The following TXLNB variants were observed in gnomAD, a reference collection of about 807,000 sequenced individuals.
TXLNB encodes the protein beta-taxilin.
A neutral mutation model predicts 57.4 loss-of-function variants in TXLNB; 37 were observed. The ratio of observed to expected loss-of-function variants is 0.64; its 90% CI spans 0.50 to 0.85. The LOEUF (loss-of-function observed/expected upper bound fraction) is 0.85. Ranked by LOEUF, TXLNB falls within the 40% of genes least tolerant of loss-of-function variation. The pLI, the probability that TXLNB is intolerant of heterozygous loss-of-function variation, is 0.00. For synonymous variants in TXLNB, 302 were observed against 309.6 expected (o/e 0.98, Z 0.26); for missense variants, 848 against 825.6 (o/e 1.03, Z -0.33).
the TXLNB span, among the ~76,000 whole-genome samples, chr6:139,165,847 ATGT>A: frequency 6.6e-6 from 1 of 152,058 alleles, no homozygotes; most frequent in Non-Finnish European, 1.5e-5. Context: ...GAGTACAACT[ATGT>A]TGTTCCCACT....
chr6:139,269,585 T>C (rs944972898), intron 4 of TXLNB, among the ~76,000 whole-genome samples: 1 of 152,232 alleles, frequency 6.6e-6, no homozygotes, highest in Non-Finnish European at 1.5e-5. Flanking sequence ...TTCTCTTCTA[T>C]TTTTCTTCCT....
chr6:139,305,055 C>A, the TXLNB span, among the ~76,000 whole-genome samples: 1 of 152,138 alleles, frequency 6.6e-6, no homozygotes, highest in Non-Finnish European at 1.5e-5. Flanking sequence ...TGAAATATAA[C>A]TAAATAGCAA....
At chr6:139,235,030 T>C in the TXLNB span, among the ~76,000 whole-genome samples, 1 of 152,248 alleles carries the variant, frequency 6.6e-6, no homozygotes, top group Admixed American at 6.5e-5. Context: ...TAAGGTTTAA[T>C]GACTACCTAG....
At chr6:139,212,917 A>T in the TXLNB span, among the ~76,000 whole-genome samples, 1 of 152,218 alleles carries the variant, frequency 6.6e-6, no homozygotes, top group African/African-American at 2.4e-5. Flanking sequence ...TCGATTCAAC[A>T]AGAAGAACTA....
intron 5 of TXLNB, among the ~76,000 whole-genome samples, chr6:139,262,257 G>A (rs187332550): frequency 1.5e-3 from 227 of 152,264 alleles, no homozygotes; most frequent in African/African-American, 5.0e-3. Flanking sequence ...GAGGGAGTGC[G>A]TGAGTTATTT....
chr6:139,206,561 G>T, the TXLNB span, among the ~76,000 whole-genome samples: 1 of 152,048 alleles, frequency 6.6e-6, no homozygotes, highest in East Asian at 1.9e-4. Context: ...CCAGCTACTT[G>T]GGAGGCTGAG....
the TXLNB span, among the ~76,000 whole-genome samples, chr6:139,202,178 C>T: frequency 3.3e-5 from 5 of 152,104 alleles, no homozygotes; most frequent in African/African-American, 7.2e-5. Flanking sequence ...TCCATGTATA[C>T]GTGGTTGTAC....
At chr6:139,186,032 AC>A in the TXLNB span, among the ~76,000 whole-genome samples, 1 of 152,220 alleles carries the variant, frequency 6.6e-6, no homozygotes, top group African/African-American at 2.4e-5. Context: ...AAGAAGATCA[AC>A]AAGTTGACCC....
At chr6:139,205,845 C>G in the TXLNB span, among the ~76,000 whole-genome samples, 2 of 152,102 alleles carry the variant, frequency 1.3e-5, no homozygotes, top group Admixed American at 6.5e-5. Context: ...AAGTCATCAC[C>G]AGAAGACCAT....
At chr6:139,198,235 G>T in the TXLNB span, among the ~76,000 whole-genome samples, 1 of 151,058 alleles carries the variant, frequency 6.6e-6, no homozygotes, top group Non-Finnish European at 1.5e-5. Context: ...ATTTTGTTCT[G>T]GGAAGCAACA....
chr6:139,244,503 C>G, intron 9 of TXLNB, 92 bp downstream of exon 9: 1 of 883,926 alleles, frequency 1.1e-6, no homozygotes, highest in South Asian at 1.5e-5. Context: ...CACACATAAC[C>G]ATTTGTACTA....
At chr6:139,176,982 C>T in the TXLNB span, 22 of 872,576 alleles carry the variant, frequency 2.5e-5, 1 homozygote, top group Middle Eastern at 4.3e-4. The surrounding 1 kb of genome is among the most constrained non-coding windows in gnomAD (Gnocchi z 4.5). Flanking sequence ...CGGTGATCGA[C>T]GTGAGGATCG....
At chr6:139,279,909 G>A (rs1239412352) in intron 2 of TXLNB, among the ~76,000 whole-genome samples, 1 of 152,230 alleles carries the variant, frequency 6.6e-6, no homozygotes, top group Non-Finnish European at 1.5e-5. Flanking sequence ...AGCAGACACA[G>A]CGCTGTTGCA....
At chr6:139,311,323 TTC>T in the TXLNB span, among the ~76,000 whole-genome samples, 1 of 114,528 alleles carries the variant, frequency 8.7e-6, no homozygotes, top group African/African-American at 3.6e-5. Context: ...AGCCATATCT[TTC>T]TTTTCTTTTG....
the TXLNB span, among the ~76,000 whole-genome samples, chr6:139,308,387 C>T: frequency 0.56 from 84,996 of 152,098 alleles, 26,468 homozygotes; most frequent in African/African-American, 0.86. Context: ...GCCCAGACGC[C>T]GTCTGAAAAC....
rs1319047436 is a variant in TXLNB, at chr6:139,241,511, T to G, written c.*1015A>C. On this transcript the variant is annotated 3_prime_UTR_variant, in exon 10 of 10. Coordinates refer to ENST00000358430, the MANE Select transcript of TXLNB (RefSeq NM_153235.4). The stretch of plus-strand genomic sequence containing the variant: ...AGCACAGCCCCTTCTTAGTGTGAGG[T>G]CCCTTAACCCCTCAATCCCTAGCTC... 6.6e-6 allele frequency: 1 copy of G among 152,110 alleles called. No homozygotes were observed. Among genetic ancestry groups the G allele is most frequent in the Non-Finnish European group, 1.5e-5 (1 of 68,010 alleles). 9.4% of individuals were successfully genotyped at this position (152,110 alleles called of 1,614,324 possible).
intron 5 of TXLNB, 151 bp from the exon 6 acceptor site, chr6:139,260,588 A>T: frequency 1.8e-5 from 15 of 856,602 alleles, no homozygotes; most frequent in Non-Finnish European, 2.4e-5. Context: ...ACAGCTTTAT[A>T]ATAAAGCTGT....
In TXLNB at chr6:139,254,452, G is replaced by A. The variant is rs559833595; in HGVS notation, c.1077+1112C>T. ...CCTTGCCTTCGGTGAATTTCTCCCT[G>A]TGACCTCACAGTCCCTTTAGCACTT... On this transcript the variant is annotated intron_variant, in intron 7 of 9. Coordinates refer to ENST00000358430, the MANE Select transcript of TXLNB (RefSeq NM_153235.4). Among the ~76,000 whole-genome samples the A allele has an allele frequency of 3.3e-5, 5 of 152,220 alleles. No homozygotes were observed. The South Asian group carries it at 1.0e-3, about 32-fold the overall frequency.
chr6:139,164,180 C>CGGAAAA, the TXLNB span, among the ~76,000 whole-genome samples: 1 of 152,126 alleles, frequency 6.6e-6, no homozygotes, highest in African/African-American at 2.4e-5. Flanking sequence ...GGCCTCCTTA[C>CGGAAAA]TTCCAGTCCC....
Sources: gnomAD v4.1 joint callset for allele counts (sites outside exome capture counted in the v4.1 genomes callset) on GRCh38, gnomAD v4.1.1 for gene constraint, Gnocchi (gnomAD v3.1) non-coding constraint, MANE v1.5 for transcripts, NCBI Gene and HGNC (gene_info 2026-07-23, HGNC 2026-07-21) for gene names.